Variants in WDR7 observed in about 807,000 individuals in gnomAD.
WDR7 encodes WD repeat-containing protein 7.
WDR7 carries 46 observed loss-of-function variants against 169.4 expected under a neutral mutation model. That is an observed-to-expected ratio of 0.27 (90% confidence interval 0.21 to 0.35). WDR7 has a LOEUF of 0.35. Among genes scored for constraint, WDR7 ranks in the 10% least tolerant of loss-of-function variants. The pLI is 1.00. For missense variants in WDR7, 1,534 were observed against 1,859.3 expected (o/e 0.83, Z 3.22); for synonymous variants, 612 against 666.8 (o/e 0.92, Z 1.27).
intron 21 of WDR7, among the ~76,000 whole-genome samples, chr18:56,891,384 G>A (rs2046261610): frequency 6.6e-6 from 1 of 151,946 alleles, no homozygotes; most frequent in Admixed American, 6.6e-5. Context: ...CACAGGAATA[G>A]TATATAACAG....
In WDR7 at chr18:56,880,006, C is replaced by G; in HGVS notation, c.3367C>G (p.Gln1123Glu). ...ISTSYEERRK[Q>E]ATAIVLLGVI... ...TACATCTTACGAGGAAAGACGGAAG[C>G]AAGCTACCGCTATTGTTTTACTTGG... Residue 1123 changes from glutamine (Q) to glutamate (E), a missense_variant, in exon 21 of 28, where the codon CAA (glutamine) becomes GAA (glutamate). Transcript: ENST00000254442. The G allele has an allele frequency of 6.2e-7, 1 of 1,614,084 alleles. No homozygotes were observed. The highest frequency in any genetic ancestry group is 1.3e-5 in the African/African-American group (1 of 75,050).
chr18:56,726,072 T>C (rs920515568), intron 13 of WDR7, among the ~76,000 whole-genome samples: 4 of 152,216 alleles, frequency 2.6e-5, no homozygotes, highest in Admixed American at 2.6e-4. Context: ...GTAGTATAGT[T>C]TGAAGTCAGG....
At chr18:56,932,364 C>A (rs7343019) in intron 22 of WDR7, among the ~76,000 whole-genome samples, 18,047 of 152,150 alleles carry the variant, frequency 0.12, 3,481 homozygotes, top group African/African-American at 0.4. Context: ...TCACTTCCTT[C>A]CCCCTTACCC....
chr18:57,027,845 T>C lies in WDR7; in HGVS notation c.*638T>C, dbSNP rs1419909513. 11 of 152,536 alleles carry C rather than the reference T, an allele frequency of 7.2e-5. No homozygotes were observed. Among genetic ancestry groups the C allele is most frequent in the African/African-American group, 2.7e-4 (11 of 41,368 alleles). The allele number at this position is 152,536 out of a possible 1,614,324, so 9.4% of individuals were successfully genotyped here. On this transcript the variant is annotated 3_prime_UTR_variant, in exon 28 of 28. Transcript: ENST00000254442. Reference sequence around the variant, plus strand: ...ATGATTAATTATGTACACAAAAATATTTTCCTTGTAGAAAATAGTTTTCCA... The same window carrying C: ...ATGATTAATTATGTACACAAAAATACTTTCCTTGTAGAAAATAGTTTTCCA...
the WDR7 span, chr18:57,034,924 A>T: frequency 6.6e-6 from 1 of 151,754 alleles, no homozygotes; most frequent in Admixed American, 6.6e-5. Flanking sequence ...GGCTGAACTC[A>T]CCTCTAAAAA....
chr18:56,980,406 A>T (rs901493344), intron 26 of WDR7, among the ~76,000 whole-genome samples: 1 of 152,160 alleles, frequency 6.6e-6, no homozygotes, highest in Admixed American at 6.5e-5. Context: ...GTGTGATTTT[A>T]CAAGGCTGAG....
intron 20 of WDR7, among the ~76,000 whole-genome samples, chr18:56,821,878 G>A (rs1254120984): frequency 6.6e-6 from 1 of 151,948 alleles, no homozygotes; most frequent in Non-Finnish European, 1.5e-5. Flanking sequence ...GCGCACCTGT[G>A]GTCCCAGCTA....
At chr18:56,733,686 T>A (rs1210824484) in intron 14 of WDR7, among the ~76,000 whole-genome samples, 1 of 152,194 alleles carries the variant, frequency 6.6e-6, no homozygotes, top group African/African-American at 2.4e-5. Flanking sequence ...TGTGATTTTT[T>A]TCTCACAGTA....
At chr18:56,674,332 G>A (rs909412658) in intron 2 of WDR7, among the ~76,000 whole-genome samples, 1 of 152,114 alleles carries the variant, frequency 6.6e-6, no homozygotes, top group Non-Finnish European at 1.5e-5. Flanking sequence ...CCCGAATTTT[G>A]TGTGTAAAGT....
At chr18:56,741,169 T>C (rs1179641868) in intron 14 of WDR7, among the ~76,000 whole-genome samples, 2 of 152,140 alleles carry the variant, frequency 1.3e-5, no homozygotes, top group Non-Finnish European at 2.9e-5. Context: ...ATTAAGAATA[T>C]GTGACATAAA....
At chr18:56,717,940 A>G (rs2026228473) in intron 12 of WDR7, 24 bp from the exon 13 acceptor site, 1 of 1,554,294 alleles carries the variant, frequency 6.4e-7, no homozygotes, top group Non-Finnish European at 8.7e-7. Context: ...TTTAAACACA[A>G]TTAAGGTTTA....
intron 20 of WDR7, among the ~76,000 whole-genome samples, chr18:56,847,889 C>T: frequency 6.6e-6 from 1 of 152,234 alleles, no homozygotes. Context: ...GTATTGGAAA[C>T]TCTGGGAGCC....
chr18:56,696,484 A>G (rs1184692631), intron 12 of WDR7, 22 bp downstream of exon 12: 1 of 1,580,314 alleles, frequency 6.3e-7, no homozygotes, highest in Non-Finnish European at 8.6e-7. Context: ...TATATAAAAG[A>G]TTATTTCACT....
At chr18:57,010,826 G>A (rs2145915055) in intron 26 of WDR7, among the ~76,000 whole-genome samples, 1 of 152,270 alleles carries the variant, frequency 6.6e-6, no homozygotes, top group South Asian at 2.1e-4. Context: ...GTGAATTAAT[G>A]TCTAATTGAT....
At chr18:57,011,491 A>G (rs759310157) in intron 26 of WDR7, among the ~76,000 whole-genome samples, 14 of 152,020 alleles carry the variant, frequency 9.2e-5, no homozygotes, top group Non-Finnish European at 1.6e-4. Flanking sequence ...TATCAAGTCT[A>G]CTTGTTTTTC....
intron 16 of WDR7, among the ~76,000 whole-genome samples, chr18:56,765,445 C>A (rs1241411166): frequency 6.6e-6 from 1 of 151,698 alleles, no homozygotes; most frequent in Non-Finnish European, 1.5e-5. Flanking sequence ...CTATGTCTTT[C>A]CGTTATCACA....
At chr18:56,833,237 C>T in intron 20 of WDR7, among the ~76,000 whole-genome samples, 1 of 151,552 alleles carries the variant, frequency 6.6e-6, no homozygotes, top group Non-Finnish European at 1.5e-5. Context: ...GAAGGCATGT[C>T]AGAGATTGAA....
intron 26 of WDR7, among the ~76,000 whole-genome samples, chr18:57,000,537 G>A (rs2047961448): frequency 6.6e-6 from 1 of 151,942 alleles, no homozygotes; most frequent in Admixed American, 6.6e-5. Context: ...TAGTGGTTTT[G>A]TAATCTATTT....
chr18:56,700,678 T>G (rs2025814095), intron 12 of WDR7, among the ~76,000 whole-genome samples: 1 of 149,276 alleles, frequency 6.7e-6, no homozygotes. Context: ...CACGCCATTC[T>G]CCTGCCTCAG....
Sources: allele counts gnomAD v4.1 joint callset (sites outside exome capture counted in the v4.1 genomes callset), GRCh38; gene constraint gnomAD v4.1.1; transcripts MANE v1.5; gene names NCBI Gene and HGNC (gene_info 2026-07-23, HGNC 2026-07-21).